The following MYO16 variants were observed in gnomAD, a reference collection of about 807,000 sequenced individuals.
MYO16 encodes unconventional myosin-XVI.
Under a neutral mutation model 205.3 loss-of-function variants are expected in MYO16, and 94 were observed. The ratio of observed to expected loss-of-function variants is 0.46; its 90% CI spans 0.39 to 0.54. MYO16 has a LOEUF of 0.54. Ranked by LOEUF, MYO16 falls within the 20% of genes least tolerant of loss-of-function variation. The pLI is 0.00. For synonymous variants in MYO16, 988 were observed against 954.0 expected (o/e 1.04, Z -0.66); for missense variants, 2,315 against 2,387.5 (o/e 0.97, Z 0.63).
chr13:109,130,019 A>T (rs1876452651), intron 31 of MYO16, among the ~76,000 whole-genome samples: 1 of 151,772 alleles, frequency 6.6e-6, no homozygotes, highest in Non-Finnish European at 1.5e-5. Flanking sequence ...AAAAGTTAGG[A>T]ACCATAGGAG....
At chr13:109,040,399 G>C (rs1380474129) in intron 23 of MYO16, among the ~76,000 whole-genome samples, 2 of 150,486 alleles carry the variant, frequency 1.3e-5, no homozygotes, top group Non-Finnish European at 3.0e-5. Context: ...GAGAGAGAGA[G>C]AGAGAGAGAG....
At chr13:108,949,663 G>T (rs540040705) in intron 16 of MYO16, among the ~76,000 whole-genome samples, 2 of 152,068 alleles carry the variant, frequency 1.3e-5, no homozygotes, top group African/African-American at 4.8e-5. Context: ...AGACACGTAT[G>T]GAAGCTTATT....
intron 28 of MYO16, among the ~76,000 whole-genome samples, chr13:109,115,970 C>A (rs77972557): frequency 0.034 from 4,210 of 122,866 alleles, 60 homozygotes; most frequent in Non-Finnish European, 0.04. Flanking sequence ...CTCAAAAAAA[C>A]AAACAAACAA....
chr13:108,712,595 CACAT>C lies in MYO16; in HGVS notation c.293-65_293-62del. On this transcript the variant is annotated intron_variant, in intron 2 of 34. Transcript: ENST00000457511. Reference sequence around the variant, plus strand: ...CATTTTAGATATTAACGAAAGCCTACACATTTGGTTCCACACGTGGAAGAAGGAC... The same window carrying C: ...CATTTTAGATATTAACGAAAGCCTACTTGGTTCCACACGTGGAAGAAGGAC... The C allele has an allele frequency of 2.9e-6, 4 of 1,379,284 alleles. No individual in the cohort carries two copies. In the South Asian group the frequency reaches 4.6e-5, roughly 16 times the overall value. The allele number at this position is 1,379,284 out of a possible 1,614,324, so 85.4% of individuals were successfully genotyped here. A position where few individuals can be genotyped will look rare whatever the true frequency, so the allele number is the denominator to read the frequency against.
At chr13:108,734,785 T>A (rs7322460) in intron 4 of MYO16, among the ~76,000 whole-genome samples, 134,091 of 152,294 alleles carry the variant, frequency 0.88, 60,280 homozygotes, top group Non-Finnish European at 0.97. Flanking sequence ...TCAAGCTTTC[T>A]GGAAGGTATC....
chr13:108,956,539 T>A (rs1883353636), intron 16 of MYO16, among the ~76,000 whole-genome samples: 1 of 151,966 alleles, frequency 6.6e-6, no homozygotes, highest in Admixed American at 6.5e-5. Flanking sequence ...TTCCAAGCTA[T>A]ACAAAGCCCT....
At chr13:108,707,160 C>T (rs909896951) in intron 2 of MYO16, among the ~76,000 whole-genome samples, 1 of 152,156 alleles carries the variant, frequency 6.6e-6, no homozygotes, top group East Asian at 1.9e-4. Context: ...GCTCCAACAA[C>T]CTGGCTAGAC....
At chr13:109,166,132 C>G (rs1172066895) in intron 33 of MYO16, among the ~76,000 whole-genome samples, 1 of 152,062 alleles carries the variant, frequency 6.6e-6, no homozygotes, top group Non-Finnish European at 1.5e-5. Context: ...GAGACGGCAG[C>G]CAATTGCAAT....
chr13:109,061,844 G>C (rs1260811574), intron 27 of MYO16, among the ~76,000 whole-genome samples: 1 of 152,070 alleles, frequency 6.6e-6, no homozygotes, highest in Non-Finnish European at 1.5e-5. Flanking sequence ...ACCTGTGCAG[G>C]ATGCGAAATG....
intron 10 of MYO16, among the ~76,000 whole-genome samples, chr13:108,846,509 T>C (rs193195843): frequency 8.9e-6 from 1 of 112,284 alleles, no homozygotes; most frequent in East Asian, 2.1e-4. Context: ...CATGTGTGTA[T>C]ATACATATAT....
chr13:109,051,497 A>G (rs987912553), intron 24 of MYO16, among the ~76,000 whole-genome samples: 8 of 152,122 alleles, frequency 5.3e-5, no homozygotes, highest in African/African-American at 1.9e-4. Context: ...ATAGGAAAGG[A>G]CACTTAGGCT....
intron 12 of MYO16, among the ~76,000 whole-genome samples, chr13:108,869,596 T>G: frequency 6.7e-6 from 1 of 149,250 alleles, no homozygotes; most frequent in Non-Finnish European, 1.5e-5. Flanking sequence ...CCGGGCGTCG[T>G]GGCGGGCGTC....
chr13:109,190,026 G>A (rs74671927), intron 34 of MYO16, among the ~76,000 whole-genome samples: 39 of 151,480 alleles, frequency 2.6e-4, no homozygotes, highest in African/African-American at 8.7e-4. Context: ...AGGCTTACCC[G>A]TTTATGTGTT....
the MYO16 span, among the ~76,000 whole-genome samples, chr13:108,498,577 A>C: frequency 6.6e-6 from 1 of 152,154 alleles, no homozygotes; most frequent in Non-Finnish European, 1.5e-5. Context: ...GTTCTTTGAG[A>C]TTTCCAGAGA....
chr13:108,757,579 G>C (rs1295081373), intron 4 of MYO16, among the ~76,000 whole-genome samples: 2 of 151,996 alleles, frequency 1.3e-5, no homozygotes, highest in Non-Finnish European at 2.9e-5. Context: ...GCTGCACCCA[G>C]TAACTCGTCA....
At chr13:109,075,687 A>T (rs1888075611) in intron 27 of MYO16, among the ~76,000 whole-genome samples, 1 of 152,020 alleles carries the variant, frequency 6.6e-6, no homozygotes, top group Non-Finnish European at 1.5e-5. Context: ...AAATCTTTTT[A>T]TGGGCTTATT....
intron 16 of MYO16, among the ~76,000 whole-genome samples, chr13:108,943,762 T>G (rs767419109): frequency 4.6e-5 from 7 of 152,122 alleles, no homozygotes; most frequent in Non-Finnish European, 8.8e-5. Context: ...ATTTTTTGTA[T>G]TTTTAGTAGA....
At chr13:108,775,570 A>C (rs1489442639) in intron 4 of MYO16, among the ~76,000 whole-genome samples, 1 of 152,038 alleles carries the variant, frequency 6.6e-6, no homozygotes, top group Non-Finnish European at 1.5e-5. Context: ...CTGATTCCTA[A>C]CCTCGTGGGT....
At chr13:109,092,503 T>C (rs1193344042) in intron 27 of MYO16, among the ~76,000 whole-genome samples, 1 of 152,222 alleles carries the variant, frequency 6.6e-6, no homozygotes, top group African/African-American at 2.4e-5. Context: ...TACTGCGTGT[T>C]CTCACTTATA....
Sources: gnomAD v4.1 joint callset for allele counts (sites outside exome capture counted in the v4.1 genomes callset) on GRCh38, gnomAD v4.1.1 for gene constraint, MANE v1.5 for transcripts, NCBI Gene and HGNC (gene_info 2026-07-23, HGNC 2026-07-21) for gene names.